SPTAN1: variants seen among roughly 807,000 people sequenced by gnomAD.
SPTAN1 encodes spectrin alpha chain, non-erythrocytic 1.
SPTAN1 carries 61 observed loss-of-function variants against 331.3 expected under a neutral mutation model. The observed-to-expected ratio is 0.18, with a 90% CI of 0.15 to 0.23. SPTAN1 has a LOEUF of 0.23. SPTAN1 is among the 10% of genes least tolerant of loss of function. The pLI is 1.00. For synonymous variants in SPTAN1, 1,153 were observed against 1,173.9 expected (o/e 0.98, Z 0.36); for missense variants, 2,043 against 3,147.9 (o/e 0.65, Z 8.40).
At chr9:128,597,641 G>A (rs1432784134) in intron 24 of SPTAN1, among the ~76,000 whole-genome samples, 1 of 152,006 alleles carries the variant, frequency 6.6e-6, no homozygotes, top group Non-Finnish European at 1.5e-5. Flanking sequence ...TTTTTTGTTT[G>A]TTTTGTTTTG....
chr9:128,594,429 ATTT>A (rs10679469), intron 24 of SPTAN1, 56 bp downstream of exon 24: 374 of 759,420 alleles, frequency 4.9e-4, no homozygotes, highest in East Asian at 1.5e-3. Flanking sequence ...GAGTCTCTTG[ATTT>A]TTTTTTTTTT....
At chr9:128,611,090 G>A (rs1449050952) in intron 37 of SPTAN1, among the ~76,000 whole-genome samples, 1 of 152,218 alleles carries the variant, frequency 6.6e-6, no homozygotes, top group Non-Finnish European at 1.5e-5. Context: ...CAAAACTGAA[G>A]TTGGCCATTG....
Position 128,578,566 on chromosome 9 carries a change from T to C in SPTAN1, c.1221+321T>C, listed in dbSNP as rs4837281. Among the ~76,000 whole-genome samples, 147,931 of 152,226 alleles carry C rather than the reference T, an allele frequency of 0.97. 72,036 individuals are homozygous for C. Among genetic ancestry groups the C allele is most frequent in the East Asian group, 1 (5,184 of 5,184 alleles). ...ATTTGTTGGGCCAGGCACGGTGGCT[T>C]ATGTCTGTAATCCCAGCACTTTGGA... On this transcript the variant is annotated intron_variant, in intron 9 of 56. Transcript: ENST00000372739.
At chr9:128,610,578 A>G (rs1856454699) in intron 37 of SPTAN1, among the ~76,000 whole-genome samples, 1 of 151,896 alleles carries the variant, frequency 6.6e-6, no homozygotes, top group African/African-American at 2.4e-5. Context: ...TTGCCCCCCA[A>G]ATAACACTCC....
intron 3 of SPTAN1, among the ~76,000 whole-genome samples, chr9:128,571,305 C>A (rs906004590): frequency 2.1e-5 from 3 of 144,862 alleles, no homozygotes; most frequent in African/African-American, 7.5e-5. Context: ...AAAAAAAAGG[C>A]CAGGCACAGT....
Position 128,581,489 on chromosome 9 carries a change from C to A in SPTAN1, c.1462-293C>A, listed in dbSNP as rs373714851. ...TCCTGTCTCACAAAAAAAAAAAAAA[C>A]AAACAAAAAAAACAAACCTTAGCAT... On this transcript the variant is annotated intron_variant, in intron 11 of 56. Coordinates refer to ENST00000372739, the MANE Select transcript of SPTAN1 (RefSeq NM_001130438.3). Among the ~76,000 whole-genome samples the A allele has an allele frequency of 3.3e-3, 371 of 113,904 alleles. 2 individuals are homozygous for A. The highest frequency in any genetic ancestry group is 9.3e-3 in the African/African-American group (255 of 27,292). 74.7% of individuals were successfully genotyped at this position (113,904 alleles called of 152,430 possible). A position where few individuals can be genotyped will look rare whatever the true frequency, so the allele number is the denominator to read the frequency against.
At chr9:128,619,353 A>G (rs1466346879) in intron 44 of SPTAN1, among the ~76,000 whole-genome samples, 1 of 152,226 alleles carries the variant, frequency 6.6e-6, no homozygotes, top group Non-Finnish European at 1.5e-5. Context: ...GCACAGATGG[A>G]GTGGCTGAGG....
At chr9:128,609,829 G>T (rs1476515156) in intron 37 of SPTAN1, among the ~76,000 whole-genome samples, 164 bp downstream of exon 37, 1 of 152,134 alleles carries the variant, frequency 6.6e-6, no homozygotes, top group Admixed American at 6.5e-5. Context: ...GTGTCCCTGT[G>T]GGATGTGGCT....
rs967756298 is a variant in SPTAN1 at position 128,588,956 on chromosome 9, G to A, written c.3006+13G>A. 1 of 1,613,658 alleles carries A rather than the reference G, an allele frequency of 6.2e-7. No individual in the cohort carries two copies. Among genetic ancestry groups the A allele is most frequent in the African/African-American group, 1.3e-5 (1 of 75,036 alleles). On this transcript the variant is annotated intron_variant, in intron 21 of 56. Coordinates refer to ENST00000372739, the MANE Select transcript of SPTAN1 (RefSeq NM_001130438.3). ...CAGCACCAACAAGGCAAGGCACAGA[G>A]AGTGGCTGTGTGTTTGTTCCACGCT...
chr9:128,577,077 A>T lies in SPTAN1; in HGVS notation c.786-52A>T, dbSNP rs1851393263. The T allele has an allele frequency of 1.2e-6, 2 of 1,613,870 alleles. No homozygotes were observed. Among genetic ancestry groups the T allele is most frequent in the East Asian group, 4.5e-5 (2 of 44,880 alleles). On this transcript the variant is annotated intron_variant, in intron 6 of 56. Transcript: ENST00000372739. The surrounding 1 kb of genome is among the most constrained non-coding windows in gnomAD (Gnocchi z 4.2). Reference sequence around the variant, plus strand: ...GGCCTTGGTCCCATGGGGTGTTCCTAGTTCTAGGGAGTCATCATTGCTGTG... The same window carrying T: ...GGCCTTGGTCCCATGGGGTGTTCCTTGTTCTAGGGAGTCATCATTGCTGTG...
chr9:128,591,633 T>C lies in SPTAN1; in HGVS notation c.3155+8T>C, dbSNP rs1182284294. On this transcript the variant is annotated splice_region_variant and intron_variant, in intron 22 of 56. Transcript: ENST00000372739. The stretch of plus-strand genomic sequence containing the variant: ...GGAGCAGATTGACAATCAGTAAGGA[T>C]GACACTGGGGGCCGCAAGGGCTAGG... 6.2e-7 allele frequency: 1 copy of C among 1,613,760 alleles called. No individual in the cohort carries two copies. Among genetic ancestry groups the C allele is most frequent in the Non-Finnish European group, 8.5e-7 (1 of 1,179,906 alleles).
Position 128,582,035 on chromosome 9 carries a change from A to G in SPTAN1, c.1572+143A>G, listed in dbSNP as rs114952624. On this transcript the variant is annotated intron_variant, in intron 12 of 56. Transcript: ENST00000372739. ...GTGCTTAAACTTTCACAAGGATGAC[A>G]TGCTATCTCGTTGAAGACATAATAC... The G allele has an allele frequency of 2.0e-3, 1,453 of 711,966 alleles. 20 individuals are homozygous for G. In the African/African-American group the frequency reaches 0.022, roughly 11 times the overall value. The allele number at this position is 711,966 out of a possible 1,614,324, so 44.1% of individuals were successfully genotyped here.
chr9:128,591,501 G>A lies in SPTAN1; in HGVS notation c.3031G>A (p.Asp1011Asn), dbSNP rs1853518140. The A allele has an allele frequency of 6.2e-7, 1 of 1,614,106 alleles. No homozygotes were observed. The highest frequency in any genetic ancestry group is 1.1e-5 in the South Asian group (1 of 91,070). Residue 1011 changes from aspartate (D) to asparagine (N), a missense_variant, in exon 22 of 57, where the codon GAT (aspartate) becomes AAT (asparagine). By Grantham distance (23) the Asp-to-Asn change is conservative (BLOSUM62 1). Transcript: ENST00000372739. ...GGATTGGTGGAAAGTGGAAGTGAAC[G>A]ATCGTCAGGGTTTTGTGCCGGCTGC... is the stretch of plus-strand genomic sequence containing the variant. The part of the protein sequence containing the change: ...NKDWWKVEVN[D>N]RQGFVPAAYV...
At chr9:128,599,109 G>A in intron 26 of SPTAN1, 123 bp downstream of exon 26, 2 of 957,464 alleles carry the variant, frequency 2.1e-6, no homozygotes, top group South Asian at 2.6e-5. Context: ...CCTTTTGTGT[G>A]TAAAGATTTG....
rs563759263 is a variant in SPTAN1 at position 128,624,065 on chromosome 9, G to T, written c.5833-263G>T. On this transcript the variant is annotated intron_variant, in intron 45 of 56. Coordinates refer to ENST00000372739, the MANE Select transcript of SPTAN1 (RefSeq NM_001130438.3). ...GCCACTGCATTCCAGCCTGGGCGAC[G>T]GAGTGAAATTCACTCCGTCTCAAAA... Among the ~76,000 whole-genome samples the T allele has an allele frequency of 5.8e-5, 8 of 138,414 alleles. No homozygotes were observed. In the Admixed American group the frequency reaches 6.1e-4, roughly 11 times the overall value. 90.8% of individuals were successfully genotyped at this position (138,414 alleles called of 152,430 possible).
chr9:128,629,335 C>T lies in SPTAN1; in HGVS notation c.6708-986C>T, dbSNP rs937302274. On this transcript the variant is annotated intron_variant, in intron 51 of 56. Coordinates refer to ENST00000372739, the MANE Select transcript of SPTAN1 (RefSeq NM_001130438.3). The surrounding 1 kb of genome is among the most constrained non-coding windows in gnomAD (Gnocchi z 4.9). ...CTCCCACTGCACCGGCACCCAGCCT[C>T]CTGCCCCCAGGTCCTGGGGGGCATT... 7 of 394,174 alleles carry T rather than the reference C, an allele frequency of 1.8e-5. No homozygotes were observed. The highest frequency in any genetic ancestry group is 1.0e-4 in the African/African-American group (5 of 48,564). 24.4% of individuals were successfully genotyped at this position (394,174 alleles called of 1,614,324 possible). A position where few individuals can be genotyped will look rare whatever the true frequency, so the allele number is the denominator to read the frequency against.
Position 128,582,733 on chromosome 9 carries a change from C to T in SPTAN1, c.1690C>T (p.Arg564Cys), listed in dbSNP as rs759822213. Residue 564 changes from arginine (R) to cysteine (C), a missense_variant, in exon 14 of 57, where the codon CGT becomes TGT. Around this residue, in one of 12 missense-constraint regions of SPTAN1, gnomAD observed 1,038 missense variants for 1,531.5 expected, o/e 0.68. Coordinates refer to ENST00000372739, the MANE Select transcript of SPTAN1 (RefSeq NM_001130438.3). ...RRNALHERAM[R>C]RRAQLADSFH... ...CAATGCCCTTCACGAGAGAGCCATG[C>T]GTCGCCGGGCCCAGCTAGCCGATTC... The T allele has an allele frequency of 1.2e-5, 20 of 1,613,784 alleles. No individual in the cohort carries two copies. The highest frequency in any genetic ancestry group is 1.0e-4 in the Admixed American group (6 of 59,994).
intron 31 of SPTAN1, among the ~76,000 whole-genome samples, chr9:128,606,608 C>G (rs564248439): frequency 6.7e-4 from 102 of 151,570 alleles, no homozygotes; most frequent in African/African-American, 2.4e-3. Context: ...CTCAGCCTCC[C>G]AAGTAGCTGG....
intron 27 of SPTAN1, 141 bp downstream of exon 27, chr9:128,600,256 A>G: frequency 1.1e-6 from 1 of 892,524 alleles, no homozygotes; most frequent in East Asian, 2.6e-5. Context: ...TTCTTTCTGA[A>G]TCTGTTAACT....
Sources: allele counts gnomAD v4.1 joint callset (sites outside exome capture counted in the v4.1 genomes callset), GRCh38; gene constraint gnomAD v4.1.1; regional missense constraint gnomAD v4.1.1; non-coding constraint Gnocchi (gnomAD v3.1); transcripts MANE v1.5; gene names NCBI Gene and HGNC (gene_info 2026-07-23, HGNC 2026-07-21).